Variants in FRMPD4 observed in about 807,000 individuals in gnomAD.
FRMPD4 encodes the protein FERM and PDZ domain-containing protein 4.
In FRMPD4, 22 loss-of-function variants were observed where a neutral mutation model predicts 94.1. The observed-to-expected ratio is 0.23, with a 90% CI of 0.17 to 0.33. FRMPD4 has a LOEUF of 0.33. Ranked by LOEUF, FRMPD4 falls within the 10% of genes least tolerant of loss-of-function variation. FRMPD4 has a pLI of 1.00. For synonymous variants in FRMPD4, 631 were observed against 548.6 expected (o/e 1.15, Z -2.10); for missense variants, 1,111 against 1,339.9 (o/e 0.83, Z 2.67).
At chrX:12,536,721 ATGTT>A (rs1325625139) in intron 2 of FRMPD4, among the ~76,000 whole-genome samples, 10 of 111,629 alleles carry the variant, frequency 9.0e-5, no homozygotes, top group African/African-American at 2.6e-4. Context: ...AAAAGGCAAA[ATGTT>A]TGTGCATTTG....
intron 3 of FRMPD4, among the ~76,000 whole-genome samples, chrX:12,065,438 A>T (rs999400568): frequency 4.5e-5 from 5 of 112,140 alleles, no homozygotes; most frequent in Admixed American, 3.8e-4. Context: ...CCTATTTCAG[A>T]ACCTAGGACA....
intron 1 of FRMPD4, among the ~76,000 whole-genome samples, chrX:12,320,410 T>C (rs4348666): frequency 0.31 from 33,893 of 110,139 alleles, 5,419 homozygotes; most frequent in African/African-American, 0.61. Context: ...AGAGTAAAAA[T>C]GCAAGTCTCT....
chrX:12,681,723 G>GCACA lies in FRMPD4; in HGVS notation c.469-1754_469-1751dup, dbSNP rs2059974844. Among the ~76,000 whole-genome samples the GCACA allele has an allele frequency of 2.8e-5, 3 of 108,148 alleles. No individual in the cohort carries two copies. The Admixed American group carries it at 3.0e-4, about 11-fold the overall frequency. 93.9% of individuals were successfully genotyped at this position (108,148 alleles called of 115,157 possible). A position where few individuals can be genotyped will look rare whatever the true frequency, so the allele number is the denominator to read the frequency against. ...CACACACACACACACACACACGCAC[G>GCACA]CACACACACGCACCCCACACACACC... On this transcript the variant is annotated intron_variant, in intron 5 of 16. Transcript: ENST00000675598.
At chrX:11,898,806 AGGATTTCCTAAGTGATT>A in intron 3 of FRMPD4, among the ~76,000 whole-genome samples, 1 of 112,172 alleles carries the variant, frequency 8.9e-6, no homozygotes, top group Middle Eastern at 4.6e-3. Flanking sequence ...TAGATCCAGC[AGGATTTCCTAAGTGATT>A]GGCTGTGTGC....
intron 2 of FRMPD4, among the ~76,000 whole-genome samples, chrX:12,532,643 T>A (rs1455218166): frequency 8.9e-6 from 1 of 112,204 alleles, no homozygotes; most frequent in Non-Finnish European, 1.9e-5. Flanking sequence ...TACATCTTCT[T>A]GTTGAACATG....
chrX:12,420,826 T>C (rs890285483), intron 1 of FRMPD4, among the ~76,000 whole-genome samples: 24 of 112,518 alleles, frequency 2.1e-4, no homozygotes, highest in Admixed American at 1.6e-3. Context: ...CTCTCTTACA[T>C]GTCATAGAAT....
In FRMPD4 at chrX:11,904,078, G is replaced by T. The variant is rs1222754467; in HGVS notation, c.95+26060G>T. Among the ~76,000 whole-genome samples the T allele has an allele frequency of 2.7e-5, 3 of 111,929 alleles. No homozygotes were observed. The East Asian group carries it at 8.4e-4, about 31-fold the overall frequency. ...TTATAGGCATGAGCCACCATGCCTG[G>T]CCTGACCTGCTTGTTTGAGTGTAAT... On this transcript the variant is annotated intron_variant, in intron 3 of 18. Transcript: ENST00000640291.
intron 1 of FRMPD4, among the ~76,000 whole-genome samples, chrX:12,281,416 C>G (rs2054524058): frequency 9.2e-6 from 1 of 108,625 alleles, no homozygotes; most frequent in South Asian, 4.1e-4. Flanking sequence ...ACTCTGTTAC[C>G]CAGGCTGGAG....
intron 3 of FRMPD4, among the ~76,000 whole-genome samples, chrX:12,032,385 G>A (rs2054697078): frequency 8.9e-6 from 1 of 111,983 alleles, no homozygotes. Flanking sequence ...AAAGGAGTGA[G>A]TCCTTGGCAG....
At chrX:12,604,275 C>T (rs761001150) in intron 2 of FRMPD4, among the ~76,000 whole-genome samples, 12 of 111,916 alleles carry the variant, frequency 1.1e-4, no homozygotes, top group Non-Finnish European at 1.9e-4. Context: ...AAGACTCAGG[C>T]TTGCCCCCGG....
chrX:12,338,968 C>A (rs2055567923), intron 1 of FRMPD4, among the ~76,000 whole-genome samples: 1 of 111,777 alleles, frequency 8.9e-6, no homozygotes, highest in East Asian at 2.8e-4. Context: ...GAGAACAGAG[C>A]ATGTAGAAAG....
intron 2 of FRMPD4, among the ~76,000 whole-genome samples, chrX:12,578,299 G>A (rs1470754855): frequency 8.9e-6 from 1 of 112,463 alleles, no homozygotes; most frequent in Non-Finnish European, 1.9e-5. Context: ...CTGCTCACCC[G>A]CTGGTGTTGC....
chrX:12,212,535 A>T (rs1163218714), intron 1 of FRMPD4, among the ~76,000 whole-genome samples: 2 of 111,465 alleles, frequency 1.8e-5, no homozygotes, highest in African/African-American at 6.5e-5. Context: ...TGCCTCTCTG[A>T]GAACTGAGCG....
intron 2 of FRMPD4, among the ~76,000 whole-genome samples, chrX:12,541,092 G>A (rs941283090): frequency 8.0e-5 from 9 of 112,318 alleles, no homozygotes; most frequent in Non-Finnish European, 1.7e-4. Context: ...TTAAAGCAGT[G>A]TGTAGAGGGA....
intron 1 of FRMPD4, among the ~76,000 whole-genome samples, chrX:12,424,151 G>A (rs1341839082): frequency 1.8e-5 from 2 of 112,110 alleles, no homozygotes; most frequent in African/African-American, 6.5e-5. Flanking sequence ...CTTGGGTATG[G>A]TTACCGGTCA....
intron 1 of FRMPD4, among the ~76,000 whole-genome samples, chrX:11,847,841 A>T (rs1323686740): frequency 1.2e-5 from 1 of 85,257 alleles, no homozygotes; most frequent in Non-Finnish European, 2.2e-5. Flanking sequence ...ATGAGAACAC[A>T]TGGACACAGG....
chrX:12,608,936 G>A (rs1321423696), intron 2 of FRMPD4, among the ~76,000 whole-genome samples: 2 of 111,921 alleles, frequency 1.8e-5, no homozygotes, highest in African/African-American at 6.5e-5. Context: ...AAAAATCCAC[G>A]TATAACTTTG....
intron 1 of FRMPD4, among the ~76,000 whole-genome samples, chrX:12,310,788 A>G (rs920526653): frequency 5.3e-5 from 6 of 112,153 alleles, no homozygotes; most frequent in Non-Finnish European, 9.4e-5. Flanking sequence ...AAGAAAATCA[A>G]TGATTAAATT....
intron 3 of FRMPD4, among the ~76,000 whole-genome samples, chrX:12,019,959 G>T (rs992985413): frequency 8.9e-6 from 1 of 112,084 alleles, no homozygotes; most frequent in African/African-American, 3.2e-5. Flanking sequence ...AGTCCTGTTT[G>T]CAGCCTTGTT....
Sources: allele counts gnomAD v4.1 joint callset (sites outside exome capture counted in the v4.1 genomes callset), GRCh38; gene constraint gnomAD v4.1.1; transcripts MANE v1.5; gene names NCBI Gene and HGNC (gene_info 2026-07-23, HGNC 2026-07-21).